Variants in TBC1D2 observed in about 807,000 individuals in gnomAD.
TBC1D2 encodes TBC1 domain family member 2, also known as TBC1 domain family member 2A.
Under a neutral mutation model 91.1 loss-of-function variants are expected in TBC1D2, and 58 were observed. The observed-to-expected ratio is 0.64, with a 90% CI of 0.52 to 0.79. The LOEUF (loss-of-function observed/expected upper bound fraction) is 0.79, where lower values mean the gene tolerates loss of function less well. Ranked by LOEUF, TBC1D2 falls within the 30% of genes least tolerant of loss-of-function variation. TBC1D2 has a pLI of 0.00. For missense variants in TBC1D2, 1,080 were observed against 1,208.3 expected, an observed-to-expected ratio of 0.89 and a Z score of 1.57; for synonymous variants, 482 against 511.5, an observed-to-expected ratio of 0.94 and a Z score of 0.78.
At chr9:98,234,577 C>T (rs1829455262) in intron 3 of TBC1D2, 1 of 152,210 alleles carries the variant, frequency 6.6e-6, no homozygotes. Context: ...CTGCCACCTG[C>T]CTGCATCCAC....
intron 2 of TBC1D2, among the ~76,000 whole-genome samples, chr9:98,244,413 A>C (rs10985580): frequency 0.43 from 65,903 of 152,030 alleles, 16,865 homozygotes; most frequent in African/African-American, 0.72. Flanking sequence ...AATCTCAGCA[A>C]TTTGGGAGGC....
chr9:98,214,936 T>C (rs1828934606), intron 6 of TBC1D2, among the ~76,000 whole-genome samples: 1 of 152,086 alleles, frequency 6.6e-6, no homozygotes, highest in Admixed American at 6.5e-5. Context: ...CCTGCTTTCA[T>C]CTCCCTCGCT....
intron 6 of TBC1D2, among the ~76,000 whole-genome samples, chr9:98,216,405 G>T (rs1031184460): frequency 1.3e-5 from 2 of 152,026 alleles, no homozygotes; most frequent in African/African-American, 4.8e-5. Flanking sequence ...GACCTACCAT[G>T]ACCTGACCCA....
In TBC1D2 at chr9:98,207,775, C is replaced by T. The variant is rs142058727; in HGVS notation, c.2150+893G>A. ...TGAAGAGAGGCCAGAGGCCATGCAG[C>T]TGCAGAGGGCAGCAGAGCAGTACCT... On this transcript the variant is annotated intron_variant, in intron 9 of 12. Transcript: ENST00000465784. Among the ~76,000 whole-genome samples, 965 of 152,310 alleles carry T rather than the reference C, an allele frequency of 6.3e-3. 14 individuals carry two copies. Among genetic ancestry groups the T allele is most frequent in the African/African-American group, 0.022 (905 of 41,574 alleles).
chr9:98,246,486 C>T (rs1829766662), intron 2 of TBC1D2, among the ~76,000 whole-genome samples: 1 of 152,152 alleles, frequency 6.6e-6, no homozygotes, highest in African/African-American at 2.4e-5. Flanking sequence ...CCCTCCCTTC[C>T]ATGAATCCTC....
chr9:98,247,392 C>A (rs1260160069), intron 2 of TBC1D2, among the ~76,000 whole-genome samples: 2 of 149,860 alleles, frequency 1.3e-5, no homozygotes, highest in African/African-American at 2.5e-5. Flanking sequence ...ATACTCTCTA[C>A]CTTGTCTCCT....
At chr9:98,232,754 T>C (rs913366450) in intron 4 of TBC1D2, among the ~76,000 whole-genome samples, 20 of 152,264 alleles carry the variant, frequency 1.3e-4, no homozygotes, top group Non-Finnish European at 4.4e-5. Flanking sequence ...CTATCAACTC[T>C]AGGAAACTGG....
At chr9:98,207,252 C>G (rs1468738959) in intron 9 of TBC1D2, among the ~76,000 whole-genome samples, 1 of 152,182 alleles carries the variant, frequency 6.6e-6, no homozygotes, top group Non-Finnish European at 1.5e-5. Context: ...TGAGTAAGGA[C>G]ACTGAATGTT....
At chr9:98,235,463 A>AT in intron 3 of TBC1D2, 1 of 475,042 alleles carries the variant, frequency 2.1e-6, no homozygotes, top group East Asian at 5.7e-5. Context: ...AATGTCTGCT[A>AT]TTCAGGATAA....
rs1829294442 is a variant in TBC1D2, at chr9:98,228,767, C to G, written c.978+185G>C. 6.6e-6 allele frequency among the ~76,000 whole-genome samples: 1 copy of G among 152,186 alleles called. No individual in the cohort carries two copies. The highest frequency in any genetic ancestry group is 1.5e-5 in the Non-Finnish European group (1 of 68,020). ...GCCCTTGGTGCCCTTTTGTGACTTA[C>G]TTTGAGTGACATCAGGTTCTTGAGT... On this transcript the variant is annotated intron_variant, in intron 5 of 12. Coordinates refer to ENST00000465784, the MANE Select transcript of TBC1D2 (RefSeq NM_001267571.2). This position sits in a 1 kb window ranked among gnomAD's most constrained non-coding sequence, Gnocchi z 4.0.
At chr9:98,249,797 A>T (rs1440116436) in intron 2 of TBC1D2, among the ~76,000 whole-genome samples, 1 of 152,242 alleles carries the variant, frequency 6.6e-6, no homozygotes, top group Non-Finnish European at 1.5e-5. Context: ...CAATATTATT[A>T]GGACAACTCC....
At position 98,199,572 on chromosome 9, in the gene TBC1D2, C is replaced by G; in HGVS notation, c.2596G>C (p.Ala866Pro). The change falls in exon 13 of 13, where the codon GCC becomes CCC. Residue 866 changes from alanine to proline, a missense_variant. Coordinates refer to ENST00000465784, the MANE Select transcript of TBC1D2 (RefSeq NM_001267571.2). ...CGGAAGGGGTTCATGTCATTGAAGG[C>G]GATGTTCATCAGCTTCCTGGGAGGA... is the stretch of plus-strand genomic sequence containing the variant. The part of the protein sequence containing the change: ...ISNSRKLMNI[A>P]FNDMNPFRMK... 6.2e-7 allele frequency: 1 copy of G among 1,614,028 alleles called. No homozygotes were observed. Among genetic ancestry groups the G allele is most frequent in the African/African-American group, 1.3e-5 (1 of 75,044 alleles).
rs561243901 is a variant in TBC1D2 at position 98,223,957 on chromosome 9, T to C, written c.979-2729A>G. On this transcript the variant is annotated intron_variant, in intron 5 of 12. Coordinates refer to ENST00000465784, the MANE Select transcript of TBC1D2 (RefSeq NM_001267571.2). ...GCTCACGCCTGTAATCCCAGCACTT[T>C]GGGAGGCCAAGGCGGTCGGATCACG... is the stretch of plus-strand genomic sequence containing the variant. Among the ~76,000 whole-genome samples, 6 of 152,196 alleles carry C rather than the reference T, an allele frequency of 3.9e-5. No individual in the cohort carries two copies. In the East Asian group the frequency reaches 9.7e-4, roughly 25 times the overall value.
intron 2 of TBC1D2, among the ~76,000 whole-genome samples, chr9:98,251,220 G>T (rs886308242): frequency 1.3e-5 from 2 of 152,098 alleles, no homozygotes; most frequent in Non-Finnish European, 2.9e-5. Flanking sequence ...AAACCCGGGA[G>T]GCGGAAGTTG....
intron 2 of TBC1D2, among the ~76,000 whole-genome samples, chr9:98,245,950 T>C (rs1170979883): frequency 6.6e-6 from 1 of 152,220 alleles, no homozygotes; most frequent in Admixed American, 6.5e-5. Flanking sequence ...TGCCTCTGGG[T>C]GATAGGATTA....
At chr9:98,254,945 T>G (rs1282061458) in intron 1 of TBC1D2, among the ~76,000 whole-genome samples, 2 of 152,158 alleles carry the variant, frequency 1.3e-5, no homozygotes, top group African/African-American at 4.8e-5. Context: ...TCCTTTCATC[T>G]CCCTCTGACT....
At chr9:98,221,312 C>T in intron 5 of TBC1D2, 84 bp from the exon 6 acceptor site, 1 of 1,435,214 alleles carries the variant, frequency 7.0e-7, no homozygotes, top group Non-Finnish European at 9.2e-7. Flanking sequence ...CAGTAGTTCT[C>T]CTAACAACCG....
intron 5 of TBC1D2, among the ~76,000 whole-genome samples, chr9:98,225,274 C>T (rs1243027747): frequency 2.0e-5 from 3 of 152,206 alleles, no homozygotes; most frequent in Non-Finnish European, 4.4e-5. Flanking sequence ...GGTCAGTCCC[C>T]GGCCAATCAG....
chr9:98,199,912 G>A (rs1828440474), intron 12 of TBC1D2, among the ~76,000 whole-genome samples: 1 of 152,180 alleles, frequency 6.6e-6, no homozygotes, highest in Non-Finnish European at 1.5e-5. Flanking sequence ...TGGTGGAAGT[G>A]GCAAGGAGGC....
Sources: gnomAD v4.1 joint callset for allele counts (sites outside exome capture counted in the v4.1 genomes callset) on GRCh38, gnomAD v4.1.1 for gene constraint, Gnocchi (gnomAD v3.1) non-coding constraint, MANE v1.5 for transcripts, NCBI Gene and HGNC (gene_info 2026-07-23, HGNC 2026-07-21) for gene names.